LDAH: variants seen among roughly 807,000 people sequenced by gnomAD.
LDAH encodes the protein lipid droplet associated hydrolase.
Under a neutral mutation model 29.6 loss-of-function variants are expected in LDAH, and 26 were observed. The observed-to-expected ratio is 0.88, with a 90% CI of 0.64 to 1.22. The LOEUF is 1.22. Among genes scored for constraint, LDAH ranks in the 50% most tolerant of loss-of-function variants. The probability of loss-of-function intolerance (pLI) is 0.00; values close to 1 mark genes in which losing one functional copy is unlikely to be tolerated. For missense variants in LDAH, 344 were observed against 387.3 expected, an observed-to-expected ratio of 0.89 and a Z score of 0.94; for synonymous variants, 117 against 133.0, an observed-to-expected ratio of 0.88 and a Z score of 0.83.
chr2:20,785,043 T>C (rs1473299331), intron 3 of LDAH, among the ~76,000 whole-genome samples: 1 of 152,334 alleles, frequency 6.6e-6, no homozygotes, highest in Non-Finnish European at 1.5e-5. Context: ...CATGTTGTAA[T>C]TACCCAACAT....
At chr2:20,756,727 C>A (rs902890486) in intron 4 of LDAH, among the ~76,000 whole-genome samples, 1 of 151,954 alleles carries the variant, frequency 6.6e-6, no homozygotes, top group African/African-American at 2.4e-5. Flanking sequence ...TCAAGAAAAT[C>A]TTTTCTGAAA....
At chr2:20,794,964 C>A (rs1222809817) in intron 2 of LDAH, among the ~76,000 whole-genome samples, 1 of 152,160 alleles carries the variant, frequency 6.6e-6, no homozygotes, top group Non-Finnish European at 1.5e-5. Flanking sequence ...ACCATTTAAA[C>A]CTCCTTGTTA....
chr2:20,752,223 A>C (rs1668018931), intron 4 of LDAH, among the ~76,000 whole-genome samples: 1 of 151,982 alleles, frequency 6.6e-6, no homozygotes, highest in South Asian at 2.1e-4. Context: ...AAAAATTTAT[A>C]CTTCAATTTA....
intron 3 of LDAH, among the ~76,000 whole-genome samples, chr2:20,784,988 T>G (rs1178758039): frequency 2.0e-5 from 3 of 152,194 alleles, no homozygotes; most frequent in African/African-American, 7.2e-5. Flanking sequence ...TCCCAATTCC[T>G]CTCTTCCATC....
intron 6 of LDAH, among the ~76,000 whole-genome samples, chr2:20,688,956 A>G (rs1368101313): frequency 6.6e-6 from 1 of 150,526 alleles, no homozygotes; most frequent in Non-Finnish European, 1.5e-5. Context: ...CGTCATCTAC[A>G]TTAGGTATTT....
chr2:20,748,903 C>T (rs1243255151), intron 4 of LDAH, among the ~76,000 whole-genome samples: 1 of 152,154 alleles, frequency 6.6e-6, no homozygotes, highest in Non-Finnish European at 1.5e-5. Flanking sequence ...TCAGGAAGCA[C>T]ACACACACCC....
intron 5 of LDAH, among the ~76,000 whole-genome samples, chr2:20,725,555 G>A (rs891296677): frequency 1.3e-5 from 2 of 152,216 alleles, no homozygotes; most frequent in Non-Finnish European, 2.9e-5. Flanking sequence ...GTCCATGGAT[G>A]TTGAATCTCA....
At chr2:20,762,298 G>A (rs1218187115) in intron 4 of LDAH, among the ~76,000 whole-genome samples, 1 of 151,938 alleles carries the variant, frequency 6.6e-6, no homozygotes, top group African/African-American at 2.4e-5. Context: ...TAGGTTCAAA[G>A]GGTATGAATA....
chr2:20,705,633 C>T (rs1422409750), intron 5 of LDAH, among the ~76,000 whole-genome samples: 3 of 151,766 alleles, frequency 2.0e-5, no homozygotes, highest in Non-Finnish European at 2.9e-5. Flanking sequence ...ATTATATTGT[C>T]TAGTGGGGGA....
chr2:20,694,919 T>G (rs1489667552), intron 6 of LDAH, among the ~76,000 whole-genome samples: 1 of 152,248 alleles, frequency 6.6e-6, no homozygotes, highest in Non-Finnish European at 1.5e-5. Flanking sequence ...CACGTGAGAC[T>G]GCACTGAGAT....
chr2:20,800,522 T>G (rs1572659364), intron 2 of LDAH, among the ~76,000 whole-genome samples: 2 of 152,364 alleles, frequency 1.3e-5, no homozygotes, highest in African/African-American at 4.8e-5. Flanking sequence ...CTGCAATCGC[T>G]CAAGCATCTG....
At chr2:20,803,251 G>C (rs572691795) in intron 1 of LDAH, among the ~76,000 whole-genome samples, 1 of 152,118 alleles carries the variant, frequency 6.6e-6, no homozygotes. Context: ...GTGCCTGCAG[G>C]GGAAAGCTTT....
intron 1 of LDAH, among the ~76,000 whole-genome samples, chr2:20,803,812 G>A (rs141077923): frequency 1.3e-5 from 2 of 152,248 alleles, no homozygotes; most frequent in African/African-American, 4.8e-5. Flanking sequence ...AACTTTTGGA[G>A]TTCTCCTTAT....
intron 4 of LDAH, among the ~76,000 whole-genome samples, chr2:20,761,161 TC>T (rs1668661314): frequency 6.6e-6 from 1 of 152,200 alleles, no homozygotes; most frequent in Non-Finnish European, 1.5e-5. Context: ...GACAACTGTT[TC>T]CTTAAGGTCA....
intron 1 of LDAH, among the ~76,000 whole-genome samples, chr2:20,809,027 T>C (rs998647712): frequency 3.3e-5 from 5 of 152,144 alleles, no homozygotes; most frequent in South Asian, 4.2e-4. Context: ...AAAGATAACA[T>C]TGGAACATAC....
Position 20,755,881 on chromosome 2 carries a change from G to A in LDAH, c.469-15676C>T, listed in dbSNP as rs192161999. On this transcript the variant is annotated intron_variant, in intron 4 of 6. Coordinates refer to ENST00000237822, the MANE Select transcript of LDAH (RefSeq NM_021925.4). Reference sequence around the variant, plus strand: ...AGTGGTTTGAAAATGTTTTTCTGAAGAGACTTAATGGCTCCAGAAAAAATA... The same window carrying A: ...AGTGGTTTGAAAATGTTTTTCTGAAAAGACTTAATGGCTCCAGAAAAAATA... Among the ~76,000 whole-genome samples the A allele has an allele frequency of 4.6e-5, 7 of 152,262 alleles. No homozygotes were observed. The East Asian group carries it at 1.3e-3, about 29-fold the overall frequency.
chr2:20,764,222 T>A (rs1008600867), intron 4 of LDAH, among the ~76,000 whole-genome samples: 94 of 152,312 alleles, frequency 6.2e-4, no homozygotes, highest in African/African-American at 2.2e-3. Flanking sequence ...TATACTTAAA[T>A]AAATGCATAA....
intron 4 of LDAH, among the ~76,000 whole-genome samples, chr2:20,759,095 C>T (rs1361392196): frequency 6.6e-6 from 1 of 152,176 alleles, no homozygotes; most frequent in Non-Finnish European, 1.5e-5. Context: ...GGGGAAAAGG[C>T]TGAATCTCTA....
At chr2:20,747,426 T>C (rs1166801951) in intron 4 of LDAH, among the ~76,000 whole-genome samples, 1 of 152,178 alleles carries the variant, frequency 6.6e-6, no homozygotes, top group Non-Finnish European at 1.5e-5. Context: ...TCTCTTTTTA[T>C]GTGACTGCAA....
Sources: gnomAD v4.1 joint callset for allele counts (sites outside exome capture counted in the v4.1 genomes callset) on GRCh38, gnomAD v4.1.1 for gene constraint, MANE v1.5 for transcripts, NCBI Gene and HGNC (gene_info 2026-07-23, HGNC 2026-07-21) for gene names.